Variants in PRKCE observed in about 807,000 individuals in gnomAD.
The protein encoded by PRKCE is protein kinase C epsilon type.
Under a neutral mutation model 85.4 loss-of-function variants are expected in PRKCE, and 16 were observed. The observed-to-expected ratio is 0.19, with a 90% CI of 0.13 to 0.28. PRKCE has a LOEUF of 0.28. Among genes scored for constraint, PRKCE ranks in the 10% least tolerant of loss-of-function variants. The pLI is 1.00. For synonymous variants in PRKCE, 388 were observed against 371.5 expected (o/e 1.04, Z -0.51); for missense variants, 573 against 975.2 (o/e 0.59, Z 5.49).
intron 2 of PRKCE, among the ~76,000 whole-genome samples, chr2:45,929,536 T>C (rs1698878722): frequency 6.6e-6 from 1 of 152,132 alleles, no homozygotes; most frequent in African/African-American, 2.4e-5. Flanking sequence ...AAGGAGGCAG[T>C]GTCTAGGTGG....
chr2:46,011,948 A>C (rs1705717368), intron 10 of PRKCE, among the ~76,000 whole-genome samples: 1 of 152,208 alleles, frequency 6.6e-6, no homozygotes, highest in South Asian at 2.1e-4. Context: ...TGTCTACGAA[A>C]CTTTCCTCAG....
intron 2 of PRKCE, among the ~76,000 whole-genome samples, chr2:45,975,683 C>T (rs1458407793): frequency 6.6e-6 from 1 of 152,160 alleles, no homozygotes; most frequent in Non-Finnish European, 1.5e-5. Flanking sequence ...TGTGAGTCCC[C>T]TTGCAAGGCA....
At chr2:46,051,489 C>G (rs879301367) in intron 10 of PRKCE, among the ~76,000 whole-genome samples, 2 of 152,168 alleles carry the variant, frequency 1.3e-5, no homozygotes, top group African/African-American at 2.4e-5. Flanking sequence ...AGAGAGTGCC[C>G]TTGCCATTCT....
At chr2:45,771,238 A>G (rs1416911781) in intron 1 of PRKCE, among the ~76,000 whole-genome samples, 1 of 152,192 alleles carries the variant, frequency 6.6e-6, no homozygotes, top group Non-Finnish European at 1.5e-5. Context: ...CTGAAAGGAA[A>G]ACAAAGGACG....
At chr2:45,855,940 G>C (rs544054872) in intron 2 of PRKCE, among the ~76,000 whole-genome samples, 5 of 151,882 alleles carry the variant, frequency 3.3e-5, no homozygotes, top group Non-Finnish European at 5.9e-5. Flanking sequence ...TTTGCCTTCA[G>C]GGTTTTCATG....
intron 2 of PRKCE, among the ~76,000 whole-genome samples, chr2:45,909,981 A>T (rs945671696): frequency 3.9e-5 from 6 of 151,992 alleles, no homozygotes; most frequent in African/African-American, 1.5e-4. Flanking sequence ...ACTTCTGCTT[A>T]TGTGCAAGGT....
chr2:45,670,730 T>C (rs1676120203), intron 1 of PRKCE, among the ~76,000 whole-genome samples: 1 of 152,242 alleles, frequency 6.6e-6, no homozygotes, highest in Non-Finnish European at 1.5e-5. Context: ...TATGTTATCA[T>C]TCCCCAGGGA....
intron 2 of PRKCE, among the ~76,000 whole-genome samples, chr2:45,850,374 C>T (rs775368903): frequency 9.2e-5 from 14 of 152,170 alleles, no homozygotes; most frequent in South Asian, 6.2e-4. Context: ...GTTCTATCTC[C>T]GTTGTCTTGC....
intron 1 of PRKCE, among the ~76,000 whole-genome samples, chr2:45,827,499 T>C (rs1690045165): frequency 1.3e-5 from 2 of 152,210 alleles, no homozygotes; most frequent in Non-Finnish European, 2.9e-5. Context: ...GAATTGTTCA[T>C]TTTTAAAGGC....
At chr2:45,846,170 C>G (rs2105512103) in intron 2 of PRKCE, among the ~76,000 whole-genome samples, 1 of 152,280 alleles carries the variant, frequency 6.6e-6, no homozygotes, top group East Asian at 1.9e-4. Context: ...CACAATTAGC[C>G]CAGGTAACAG....
At chr2:45,824,305 A>T (rs1372649372) in intron 1 of PRKCE, among the ~76,000 whole-genome samples, 2 of 152,224 alleles carry the variant, frequency 1.3e-5, no homozygotes, top group African/African-American at 2.4e-5. Flanking sequence ...AAAGGAAAGG[A>T]TGAAGTGATC....
intron 1 of PRKCE, among the ~76,000 whole-genome samples, chr2:45,761,722 A>G (rs1203485083): frequency 6.6e-6 from 1 of 152,068 alleles, no homozygotes; most frequent in Admixed American, 6.5e-5. Flanking sequence ...GGCTTCCTGC[A>G]AGTTTCTGGC....
At chr2:45,888,799 G>C (rs1695494444) in intron 2 of PRKCE, among the ~76,000 whole-genome samples, 1 of 152,204 alleles carries the variant, frequency 6.6e-6, no homozygotes, top group Non-Finnish European at 1.5e-5. Flanking sequence ...TGGAGAAAAG[G>C]CTTGTCTGAT....
chr2:45,855,740 G>A (rs1483777695), intron 2 of PRKCE, among the ~76,000 whole-genome samples: 2 of 152,180 alleles, frequency 1.3e-5, no homozygotes. Context: ...AGAGACTGAG[G>A]TTTCTTTGAG....
intron 1 of PRKCE, among the ~76,000 whole-genome samples, chr2:45,743,347 A>G (rs1427892780): frequency 1.3e-5 from 2 of 152,206 alleles, no homozygotes; most frequent in South Asian, 4.1e-4. Flanking sequence ...CACTTATATC[A>G]AAACATCGCG....
chr2:45,775,175 C>T (rs1383821353), intron 1 of PRKCE, among the ~76,000 whole-genome samples: 1 of 152,150 alleles, frequency 6.6e-6, no homozygotes. Context: ...ATCTCATTTG[C>T]TCATAAGGAA....
intron 2 of PRKCE, among the ~76,000 whole-genome samples, chr2:45,846,736 A>T (rs1691821814): frequency 6.6e-6 from 1 of 152,170 alleles, no homozygotes; most frequent in Non-Finnish European, 1.5e-5. Flanking sequence ...CTGGATTGAA[A>T]TCCTGGCTCT....
At chr2:45,752,580 C>G (rs1309264306) in intron 1 of PRKCE, among the ~76,000 whole-genome samples, 2 of 152,126 alleles carry the variant, frequency 1.3e-5, no homozygotes, top group Non-Finnish European at 2.9e-5. Flanking sequence ...ATCTATAAAT[C>G]TGAGAGCCGG....
intron 2 of PRKCE, among the ~76,000 whole-genome samples, chr2:45,873,950 C>T (rs1694282985): frequency 6.6e-6 from 1 of 152,248 alleles, no homozygotes. Flanking sequence ...TTAGAAAGAA[C>T]AGGAGTTCTG....
Sources: allele counts gnomAD v4.1 joint callset (sites outside exome capture counted in the v4.1 genomes callset), GRCh38; gene constraint gnomAD v4.1.1; transcripts MANE v1.5; gene names NCBI Gene and HGNC (gene_info 2026-07-23, HGNC 2026-07-21).